Variants in TEF observed in about 807,000 individuals in gnomAD.
The protein encoded by TEF is thyrotroph embryonic factor.
Under a neutral mutation model 20.8 loss-of-function variants are expected in TEF, and 3 were observed. The ratio of observed to expected loss-of-function variants is 0.14; its 90% CI spans 0.07 to 0.37. The LOEUF (loss-of-function observed/expected upper bound fraction) is 0.37, where lower values mean the gene tolerates loss of function less well. TEF is among the 10% of genes least tolerant of loss of function. The pLI is 1.00. For synonymous variants in TEF, 180 were observed against 171.1 expected (o/e 1.05, Z -0.41); for missense variants, 296 against 397.9 (o/e 0.74, Z 2.18).
At chr22:41,383,532 C>T (rs987746239) in intron 1 of TEF, among the ~76,000 whole-genome samples, 15 of 152,166 alleles carry the variant, frequency 9.9e-5, no homozygotes, top group African/African-American at 3.6e-4. Context: ...AGGGTATTCT[C>T]CCCTCTTCCC....
intron 1 of TEF, among the ~76,000 whole-genome samples, chr22:41,375,232 G>A (rs922241586): frequency 6.6e-6 from 1 of 152,260 alleles, no homozygotes; most frequent in East Asian, 1.9e-4. Flanking sequence ...GAGTACTGAC[G>A]AGGAGGGCAA....
intron 2 of TEF, among the ~76,000 whole-genome samples, chr22:41,392,943 G>A (rs953054640): frequency 7.9e-5 from 12 of 151,730 alleles, no homozygotes; most frequent in East Asian, 7.8e-4. Context: ...AGGCTGAGTC[G>A]GGAATCGGTT....
Position 41,382,016 on chromosome 22 carries a change from C to A in TEF, c.-29C>A. On this transcript the variant is annotated 5_prime_UTR_variant, in exon 1 of 4. Transcript: ENST00000266304. ...CATCTCGGGGGGCGGGCGGGGGAGG[C>A]GAGGTGCGCGAGCCGAGTCCGGGGC... 4 of 1,228,984 alleles carry A rather than the reference C, an allele frequency of 3.3e-6. No homozygotes were observed. The highest frequency in any genetic ancestry group is 4.1e-6 in the Non-Finnish European group (4 of 986,474). 76.1% of individuals were successfully genotyped at this position (1,228,984 alleles called of 1,614,324 possible). A position where few individuals can be genotyped will look rare whatever the true frequency, so the allele number is the denominator to read the frequency against.
intron 1 of TEF, among the ~76,000 whole-genome samples, chr22:41,372,858 C>T (rs5751086): frequency 0.36 from 55,015 of 151,684 alleles, 11,186 homozygotes; most frequent in East Asian, 0.51. Flanking sequence ...AGCCAGCTAC[C>T]CGAGGAACTT....
chr22:41,387,621 C>G lies in TEF; in HGVS notation c.428C>G (p.Ser143Cys), dbSNP rs747754281. The part of the protein sequence containing the change: ...SASSSTASPP[S>C]SSTAIFQPSE... ...AGCTCTTCCACAGCATCCCCACCAT[C>G]CTCCTCCACTGCCATCTTTCAGCCC... Residue 143 changes from serine to cysteine, a missense_variant, in exon 2 of 4, where the codon TCC becomes TGC. Ser to Cys is a moderately radical substitution (Grantham distance 112). This residue lies in a region of TEF where 194 missense variants were observed against 317.8 expected (regional missense o/e 0.61). Coordinates refer to ENST00000266304, the MANE Select transcript of TEF (RefSeq NM_003216.4). 5.0e-6 allele frequency: 8 copies of G among 1,614,042 alleles called. No individual in the cohort carries two copies.
chr22:41,378,897 C>G (rs533644257), upstream of TEF, among the ~76,000 whole-genome samples: 1 of 152,210 alleles, frequency 6.6e-6, no homozygotes, highest in Non-Finnish European at 1.5e-5. Context: ...ATTTTCTGTA[C>G]ACAATTAACT....
chr22:41,391,298 G>A (rs1244731605), intron 2 of TEF, among the ~76,000 whole-genome samples: 1 of 151,610 alleles, frequency 6.6e-6, no homozygotes, highest in South Asian at 2.1e-4. Flanking sequence ...GGTTGGAGGC[G>A]TGACTGACCT....
chr22:41,389,029 A>G (rs976138896), intron 2 of TEF, among the ~76,000 whole-genome samples: 4 of 152,066 alleles, frequency 2.6e-5, no homozygotes, highest in Non-Finnish European at 4.4e-5. Flanking sequence ...TAAAAAAAAC[A>G]TAACGAAAAT....
chr22:41,370,021 G>A, intron 1 of TEF: 1 of 985,444 alleles, frequency 1.0e-6, no homozygotes, highest in Non-Finnish European at 1.2e-6. Flanking sequence ...GAAGTGTACA[G>A]GAAAGTCTGC....
chr22:41,367,510 ACTGG>A, exon 1 of TEF: 1 of 1,550,052 alleles, frequency 6.5e-7, no homozygotes, highest in African/African-American at 1.4e-5. Context: ...GTGAGCTGCG[ACTGG>A]TTCTCAGTGG....
intron 1 of TEF, among the ~76,000 whole-genome samples, chr22:41,370,528 T>G (rs1164212828): frequency 6.6e-6 from 1 of 150,560 alleles, no homozygotes. Context: ...TTCTCCTGCC[T>G]CAGTCTCCTG....
chr22:41,397,379 T>A lies in TEF; in HGVS notation c.*1419T>A. 1 of 337,298 alleles carries A rather than the reference T, an allele frequency of 3.0e-6. No homozygotes were observed. The highest frequency in any genetic ancestry group is 5.3e-6 in the Non-Finnish European group (1 of 187,204). The allele number at this position is 337,298 out of a possible 1,614,324, so 20.9% of individuals were successfully genotyped here. The stretch of plus-strand genomic sequence containing the variant: ...GGAAGCCTCTGCTCATTTGGGTCAC[T>A]GGGACACCCCTGAGATGGGTGTGTT... On this transcript the variant is annotated 3_prime_UTR_variant, in exon 4 of 4. Coordinates refer to ENST00000266304, the MANE Select transcript of TEF (RefSeq NM_003216.4).
upstream of TEF, chr22:41,381,829 C>T (rs1050689535): frequency 4.2e-5 from 50 of 1,184,204 alleles, no homozygotes; most frequent in South Asian, 2.0e-3. Context: ...CTGGACCAAT[C>T]CAGAGCAACG....
At chr22:41,386,934 C>T (rs1315634346) in intron 1 of TEF, among the ~76,000 whole-genome samples, 2 of 152,054 alleles carry the variant, frequency 1.3e-5, no homozygotes, top group Non-Finnish European at 2.9e-5. Context: ...ATCCCAGCTA[C>T]TCGGGAGTCT....
upstream of TEF, among the ~76,000 whole-genome samples, chr22:41,380,299 C>G (rs996771021): frequency 1.3e-5 from 2 of 152,274 alleles, no homozygotes; most frequent in Admixed American, 1.3e-4. Flanking sequence ...ATTACAGGCG[C>G]CAGCCACCAT....
rs190509734 is a variant in TEF at position 41,389,868 on chromosome 22, A to G, written c.475+2200A>G. ...GTTGAAGGACATTCTGATTTTGGTTATGAATAATGCTGCCATGAACATTCA... is the reference window on the plus strand; with the variant it reads ...GTTGAAGGACATTCTGATTTTGGTTGTGAATAATGCTGCCATGAACATTCA... On this transcript the variant is annotated intron_variant, in intron 2 of 3. Transcript: ENST00000266304. Among the ~76,000 whole-genome samples the G allele has an allele frequency of 3.8e-3, 572 of 152,172 alleles. 3 individuals are homozygous for G. The highest frequency in any genetic ancestry group is 6.3e-3 in the Non-Finnish European group (425 of 67,998).
intron 3 of TEF, 95 bp from the exon 4 acceptor site, chr22:41,395,650 C>A: frequency 3.9e-6 from 5 of 1,278,284 alleles, no homozygotes; most frequent in Admixed American, 2.0e-5. Context: ...TCTGGCCACA[C>A]CAGATGAGTT....
At chr22:41,381,371 CT>C, upstream of TEF, among the ~76,000 whole-genome samples, 1 of 152,212 alleles carries the variant, frequency 6.6e-6, no homozygotes, top group Non-Finnish European at 1.5e-5. Context: ...CGCCCCCGCC[CT>C]CCATTGGCTG....
chr22:41,389,262 G>A (rs752394265), intron 2 of TEF, among the ~76,000 whole-genome samples: 1 of 152,092 alleles, frequency 6.6e-6, no homozygotes, highest in African/African-American at 2.4e-5. Context: ...TTAGCCGGGT[G>A]TGGTGGCGGG....
Sources: allele counts gnomAD v4.1 joint callset (sites outside exome capture counted in the v4.1 genomes callset), GRCh38; gene constraint gnomAD v4.1.1; regional missense constraint gnomAD v4.1.1; transcripts MANE v1.5; gene names NCBI Gene and HGNC (gene_info 2026-07-23, HGNC 2026-07-21).